The following CACNA1E variants were observed in gnomAD, a reference collection of about 807,000 sequenced individuals.
CACNA1E encodes voltage-dependent R-type calcium channel subunit alpha-1E.
A neutral mutation model predicts 259.2 loss-of-function variants in CACNA1E; 40 were observed. That is an observed-to-expected ratio of 0.15 (90% CI 0.12 to 0.20). The LOEUF (loss-of-function observed/expected upper bound fraction) is 0.20. Ranked by LOEUF, CACNA1E falls within the 10% of genes least tolerant of loss-of-function variation. The probability of loss-of-function intolerance (pLI) is 1.00; values close to 1 mark genes in which losing one functional copy is unlikely to be tolerated. For synonymous variants in CACNA1E, 1,104 were observed against 1,138.5 expected (o/e 0.97, Z 0.61); for missense variants, 1,874 against 3,040.1 (o/e 0.62, Z 9.02).
intron 19 of CACNA1E, among the ~76,000 whole-genome samples, chr1:181,731,609 C>T (rs1161054148): frequency 6.6e-6 from 1 of 152,084 alleles, no homozygotes; most frequent in Non-Finnish European, 1.5e-5. Context: ...GGTGTGCGCC[C>T]ACAGGCACAG....
At chr1:181,538,596 A>G (rs1298500481) in intron 3 of CACNA1E, among the ~76,000 whole-genome samples, 1 of 152,234 alleles carries the variant, frequency 6.6e-6, no homozygotes, top group African/African-American at 2.4e-5. Flanking sequence ...ATTGCAATAC[A>G]TCACCGCACT....
intron 3 of CACNA1E, among the ~76,000 whole-genome samples, chr1:181,524,724 T>A (rs1451296550): frequency 1.3e-5 from 2 of 152,218 alleles, no homozygotes; most frequent in Non-Finnish European, 2.9e-5. Flanking sequence ...TGTATTGGTA[T>A]AGAACTGATA....
chr1:181,553,090 C>T (rs1178178743), intron 3 of CACNA1E, among the ~76,000 whole-genome samples: 1 of 152,098 alleles, frequency 6.6e-6, no homozygotes, highest in African/African-American at 2.4e-5. Context: ...TTACTTTGGG[C>T]AGTATGGCCA....
chr1:181,579,302 C>G, intron 5 of CACNA1E, 78 bp downstream of exon 5: 1 of 1,230,532 alleles, frequency 8.1e-7, no homozygotes, highest in Non-Finnish European at 1.1e-6. Context: ...CACTTGGAGG[C>G]TCATTGGAAA....
At chr1:181,332,893 A>C (rs1430214845) in intron 1 of CACNA1E, among the ~76,000 whole-genome samples, 1 of 152,180 alleles carries the variant, frequency 6.6e-6, no homozygotes, top group Non-Finnish European at 1.5e-5. Context: ...GCCTGGGTGG[A>C]TCACCCTCGA....
intron 6 of CACNA1E, among the ~76,000 whole-genome samples, chr1:181,623,922 G>T (rs1053731272): frequency 6.6e-6 from 1 of 152,190 alleles, no homozygotes; most frequent in Non-Finnish European, 1.5e-5. Context: ...TGCTATAAAA[G>T]AATACCTGAG....
chr1:181,459,983 C>T (rs1313719804), intron 2 of CACNA1E, among the ~76,000 whole-genome samples: 7 of 152,152 alleles, frequency 4.6e-5, no homozygotes. Context: ...ATTGGCTCTC[C>T]CTCCTTGCCT....
At chr1:181,545,176 G>C (rs769273595) in intron 3 of CACNA1E, among the ~76,000 whole-genome samples, 1 of 152,130 alleles carries the variant, frequency 6.6e-6, no homozygotes, top group Admixed American at 6.5e-5. Context: ...CAGGACAGTA[G>C]TTACTCCCAG....
chr1:181,534,208 G>A (rs1667983056), intron 3 of CACNA1E, among the ~76,000 whole-genome samples: 1 of 152,056 alleles, frequency 6.6e-6, no homozygotes, highest in African/African-American at 2.4e-5. Flanking sequence ...AGTAAAGAAT[G>A]ATTGTTAAAC....
chr1:181,626,124 C>T lies in CACNA1E; in HGVS notation c.952-25214C>T, dbSNP rs147795828. ...TACCCCACAACAATTATAATAGTAA[C>T]GTCAAAGATTGCTGATCACAAATCA... On this transcript the variant is annotated intron_variant, in intron 6 of 47. Transcript: ENST00000367573. Among the ~76,000 whole-genome samples the T allele has an allele frequency of 7.9e-4, 120 of 152,150 alleles. 1 individual carries two copies. The highest frequency in any genetic ancestry group is 2.7e-3 in the African/African-American group (114 of 41,508).
chr1:181,529,475 C>A (rs936405433), intron 3 of CACNA1E, among the ~76,000 whole-genome samples: 1 of 152,174 alleles, frequency 6.6e-6, no homozygotes, highest in African/African-American at 2.4e-5. Flanking sequence ...CACTGTCCTC[C>A]AGACCCCAGA....
At position 181,484,100 on chromosome 1, in the gene CACNA1E, C is replaced by T. The variant is rs1053105872; in HGVS notation, c.266+90C>T. 13 of 1,315,388 alleles carry T rather than the reference C, an allele frequency of 9.9e-6. No individual in the cohort carries two copies. In the African/African-American group the frequency reaches 1.6e-4, roughly 16 times the overall value. The allele number at this position is 1,315,388 out of a possible 1,614,324, so 81.5% of individuals were successfully genotyped here. A position where few individuals can be genotyped will look rare whatever the true frequency, so the allele number is the denominator to read the frequency against. On this transcript the variant is annotated intron_variant, in intron 1 of 47. Coordinates refer to ENST00000367573, the MANE Select transcript of CACNA1E (RefSeq NM_001205293.3). The stretch of plus-strand genomic sequence containing the variant: ...CCTAGCATGGAATGTATCCCCCACC[C>T]CTTCCTGGTGCCAATTTGCCCCTTT...
At position 181,761,208 on chromosome 1, in the gene CACNA1E, G is replaced by A. The variant is rs1348154809; in HGVS notation, c.4606-1366G>A. On this transcript the variant is annotated intron_variant, in intron 32 of 47. Transcript: ENST00000367573. Reference sequence around the variant, plus strand: ...ACCTTATGGCCTTAGCTACTTTGTTGTATGTATCCAATTAAGTGATGTTCA... The same window carrying A: ...ACCTTATGGCCTTAGCTACTTTGTTATATGTATCCAATTAAGTGATGTTCA... Among the ~76,000 whole-genome samples the A allele has an allele frequency of 2.6e-5, 4 of 152,226 alleles. No homozygotes were observed. The East Asian group carries it at 7.7e-4, about 29-fold the overall frequency.
intron 43 of CACNA1E, 44 bp downstream of exon 43, chr1:181,785,863 G>T: frequency 7.7e-7 from 1 of 1,304,684 alleles, no homozygotes; most frequent in Non-Finnish European, 1.1e-6. Context: ...TTTGCAATCT[G>T]TCACCCATGC....
At chr1:181,643,851 G>C (rs992868231) in intron 6 of CACNA1E, among the ~76,000 whole-genome samples, 3 of 152,188 alleles carry the variant, frequency 2.0e-5, no homozygotes, top group Non-Finnish European at 4.4e-5. Flanking sequence ...TGACCAGAAT[G>C]TGTGGGAAGC....
intron 7 of CACNA1E, among the ~76,000 whole-genome samples, chr1:181,707,744 G>A (rs553962649): frequency 2.0e-5 from 3 of 152,206 alleles, no homozygotes; most frequent in South Asian, 2.1e-4. Flanking sequence ...GGGAGTCAGG[G>A]AAGAACTATG....
chr1:181,719,887 T>C (rs746650061), intron 13 of CACNA1E, 24 bp downstream of exon 13: 16 of 1,333,558 alleles, frequency 1.2e-5, no homozygotes, highest in East Asian at 2.5e-5. Flanking sequence ...ATTTGGACTT[T>C]TCCCAATGTC....
chr1:181,577,064 A>G (rs1451561825), intron 3 of CACNA1E, among the ~76,000 whole-genome samples: 2 of 152,168 alleles, frequency 1.3e-5, no homozygotes, highest in Non-Finnish European at 2.9e-5. Flanking sequence ...CTGCAATGTC[A>G]TGAGATTATA....
At chr1:181,492,631 G>A (rs1425692453) in intron 1 of CACNA1E, among the ~76,000 whole-genome samples, 2 of 152,182 alleles carry the variant, frequency 1.3e-5, no homozygotes, top group Non-Finnish European at 1.5e-5. Context: ...TGGTAAGCTG[G>A]TATCACATCT....
Sources: allele counts gnomAD v4.1 joint callset (sites outside exome capture counted in the v4.1 genomes callset), GRCh38; gene constraint gnomAD v4.1.1; transcripts MANE v1.5; gene names NCBI Gene and HGNC (gene_info 2026-07-23, HGNC 2026-07-21).